GIMAP8: variants seen among roughly 807,000 people sequenced by gnomAD.
GIMAP8 encodes GTPase, IMAP family member 8.
Under a neutral mutation model 35.6 loss-of-function variants are expected in GIMAP8, and 29 were observed. The observed-to-expected ratio is 0.81, with a 90% CI of 0.61 to 1.11. The LOEUF (loss-of-function observed/expected upper bound fraction) is 1.11. Among genes scored for constraint, GIMAP8 ranks in the 50% most tolerant of loss-of-function variants. The pLI, the probability that GIMAP8 is intolerant of heterozygous loss-of-function variation, is 0.00. For missense variants in GIMAP8, 811 were observed against 805.0 expected (o/e 1.01, Z -0.09); for synonymous variants, 335 against 308.7 (o/e 1.09, Z -0.89).
Position 150,451,840 on chromosome 7 carries a change from C to T in GIMAP8, c.-29+665C>T, listed in dbSNP as rs959328541. 1.3e-5 allele frequency among the ~76,000 whole-genome samples: 2 copies of T among 152,242 alleles called. No homozygotes were observed. Among genetic ancestry groups the T allele is most frequent in the Admixed American group, 1.3e-4 (2 of 15,282 alleles). ...ACCAAAAGCAATATTTCTGATTTCA[C>T]CTACATTTCAGCCAACCTGGTCCTC... On this transcript the variant is annotated intron_variant, in intron 1 of 4. Transcript: ENST00000307271. This position sits in a 1 kb window ranked among gnomAD's most constrained non-coding sequence, Gnocchi z 4.1.
chr7:150,462,343 CTT>C (rs568798841), intron 1 of GIMAP8, among the ~76,000 whole-genome samples: 1 of 152,290 alleles, frequency 6.6e-6, no homozygotes, highest in South Asian at 2.1e-4. Flanking sequence ...TTATTTTACT[CTT>C]ATTGTTTATC....
At chr7:150,473,371 C>G (rs555694913) in intron 3 of GIMAP8, among the ~76,000 whole-genome samples, 1 of 151,890 alleles carries the variant, frequency 6.6e-6, no homozygotes, top group South Asian at 2.1e-4. Flanking sequence ...GGATCCCCAT[C>G]TAGATAAAGA....
In GIMAP8 at chr7:150,452,709, T is replaced by TATACAC. The variant is rs1373884339; in HGVS notation, c.-29+1535_-29+1536insTACACA. Among the ~76,000 whole-genome samples the TATACAC allele has an allele frequency of 3.8e-3, 408 of 106,580 alleles. 3 individuals are homozygous for TATACAC. Among genetic ancestry groups the TATACAC allele is most frequent in the East Asian group, 0.019 (46 of 2,480 alleles). The allele number at this position is 106,580 out of a possible 152,430, so 69.9% of individuals were successfully genotyped here. ...ATATATATATATATATATATATATA[T>TATACAC]ACATGCGAGTGGAACTACAGGCACC... On this transcript the variant is annotated intron_variant, in intron 1 of 4. Coordinates refer to ENST00000307271, the MANE Select transcript of GIMAP8 (RefSeq NM_175571.4).
At chr7:150,462,061 G>C (rs1472009794) in intron 1 of GIMAP8, among the ~76,000 whole-genome samples, 1 of 152,176 alleles carries the variant, frequency 6.6e-6, no homozygotes. Context: ...ATCTCACAAA[G>C]TACATTCTCA....
chr7:150,455,839 G>T (rs149050519), intron 1 of GIMAP8, among the ~76,000 whole-genome samples: 2 of 152,176 alleles, frequency 1.3e-5, no homozygotes, highest in African/African-American at 2.4e-5. Flanking sequence ...AATATTAAGT[G>T]CTCATTTAAC....
At chr7:150,469,805 A>T in intron 2 of GIMAP8, among the ~76,000 whole-genome samples, 1 of 152,212 alleles carries the variant, frequency 6.6e-6, no homozygotes, top group Middle Eastern at 3.2e-3. Context: ...CCGAAGATTG[A>T]TCAATGAAAA....
chr7:150,453,343 G>A (rs1302113168), intron 1 of GIMAP8, among the ~76,000 whole-genome samples: 1 of 152,196 alleles, frequency 6.6e-6, no homozygotes, highest in East Asian at 1.9e-4. Context: ...TGAAGCTGCG[G>A]TGGGCTCTGC....
chr7:150,475,039 T>A (rs940938914), intron 4 of GIMAP8, among the ~76,000 whole-genome samples: 4 of 152,132 alleles, frequency 2.6e-5, no homozygotes, highest in African/African-American at 9.7e-5. Context: ...CCATGTCCCT[T>A]CAAAGGACAT....
chr7:150,479,114 G>A lies in GIMAP8; in HGVS notation c.*1334G>A, dbSNP rs1802310605. ...TAACACAATAACTTCTAGAAAATGT[G>A]TGTGCCGTAGACACAAAGAAGGGAA... On this transcript the variant is annotated 3_prime_UTR_variant, in exon 5 of 5. Transcript: ENST00000307271. 1 of 152,168 alleles carries A rather than the reference G, an allele frequency of 6.6e-6. No homozygotes were observed. The highest frequency in any genetic ancestry group is 2.4e-5 in the African/African-American group (1 of 41,404). 9.4% of individuals were successfully genotyped at this position (152,168 alleles called of 1,614,324 possible). A position where few individuals can be genotyped will look rare whatever the true frequency, so the allele number is the denominator to read the frequency against.
chr7:150,474,873 A>C (rs1175826951), intron 4 of GIMAP8, among the ~76,000 whole-genome samples: 49 of 134,586 alleles, frequency 3.6e-4, no homozygotes, highest in African/African-American at 4.8e-4. Flanking sequence ...ATCCCTCCCC[A>C]CTCCCCCCAC....
At position 150,451,909 on chromosome 7, in the gene GIMAP8, GCTGGGT is replaced by G. The variant is rs1801616432; in HGVS notation, c.-29+737_-29+742del. On this transcript the variant is annotated intron_variant, in intron 1 of 4. Coordinates refer to ENST00000307271, the MANE Select transcript of GIMAP8 (RefSeq NM_175571.4). This position sits in a 1 kb window ranked among gnomAD's most constrained non-coding sequence, Gnocchi z 4.1. ...TTCCTCTTGATGGTTGCCCTGCTGG[GCTGGGT>G]CTAAGGTCTTCCCCACGCTGGGCTC... 6.6e-6 allele frequency among the ~76,000 whole-genome samples: 1 copy of G among 152,182 alleles called. No homozygotes were observed. The highest frequency in any genetic ancestry group is 6.5e-5 in the Admixed American group (1 of 15,284).
chr7:150,454,634 CT>C (rs1340356992), intron 1 of GIMAP8, among the ~76,000 whole-genome samples: 1 of 152,120 alleles, frequency 6.6e-6, no homozygotes, highest in Non-Finnish European at 1.5e-5. Context: ...GCTGCACATT[CT>C]TTTTGAGCCT....
In GIMAP8 at chr7:150,469,776, C is replaced by T. The variant is rs563360523; in HGVS notation, c.637-1053C>T. Among the ~76,000 whole-genome samples, 3 of 151,972 alleles carry T rather than the reference C, an allele frequency of 2.0e-5. No homozygotes were observed. The South Asian group carries it at 6.2e-4, about 32-fold the overall frequency. On this transcript the variant is annotated intron_variant, in intron 2 of 4. Transcript: ENST00000307271. ...ATAGTTAGCACAGCATCATTTGAAA[C>T]AGTAAAACCAGAAATAAACCGAAGA...
intron 1 of GIMAP8, among the ~76,000 whole-genome samples, chr7:150,454,962 A>AGTGGAAGCATTTCTTTTTTTGGAACTAAG (rs1801695380): frequency 6.6e-6 from 1 of 152,082 alleles, no homozygotes. Flanking sequence ...AACATGGAGA[A>AGTGGAAGCATTTCTTTTTTTGGAACTAAG]ACCCCATCTC....
At position 150,477,209 on chromosome 7, in the gene GIMAP8, C is replaced by A; in HGVS notation, c.1427C>A (p.Thr476Asn). 1 of 1,614,118 alleles carries A rather than the reference C, an allele frequency of 6.2e-7. No individual in the cohort carries two copies. ...SRLRAQPVTK[T>N]SQSGRRTWDG... ...CTCCGGGCCCAGCCAGTCACCAAGACCAGCCAGAGTGGCAGGAGGACATGG... is the reference window on the plus strand; with the variant it reads ...CTCCGGGCCCAGCCAGTCACCAAGAACAGCCAGAGTGGCAGGAGGACATGG... The change falls in exon 5 of 5, where the codon ACC becomes AAC. Residue 476 changes from threonine to asparagine, a missense_variant. Thr to Asn is a moderately conservative substitution (Grantham distance 65). Coordinates refer to ENST00000307271, the MANE Select transcript of GIMAP8 (RefSeq NM_175571.4).
rs1802273802 is a variant in GIMAP8 at position 150,477,779 on chromosome 7, A to C, written c.1997A>C (p.Ter666SerextTer38). The C allele has an allele frequency of 2.5e-6, 4 of 1,609,494 alleles. No individual in the cohort carries two copies. In the East Asian group the frequency reaches 8.9e-5, roughly 36 times the overall value. ...LLKNLIGILQ[*>S] is the part of the protein sequence containing the mutation. ...AAAAATTTAATAGGTATTTTACAAT[A>C]GGTAGCCGAAGTGCCTGGGGTCTCT... The change falls in exon 5 of 5, where the codon TAG (stop) becomes TCG (serine). Residue 666 changes from the stop codon to serine, a stop_lost. Transcript: ENST00000307271.
intron 1 of GIMAP8, among the ~76,000 whole-genome samples, chr7:150,459,531 T>G (rs1238332226): frequency 2.0e-5 from 3 of 152,166 alleles, no homozygotes; most frequent in African/African-American, 7.2e-5. Context: ...CCATGAATCT[T>G]GGCTATGGGA....
chr7:150,467,205 C>A lies in GIMAP8; in HGVS notation c.507C>A (p.Asn169Lys), dbSNP rs776872577. 1.1e-5 allele frequency: 17 copies of A among 1,614,102 alleles called. No individual in the cohort carries two copies. In the South Asian group the frequency reaches 1.9e-4, roughly 18 times the overall value. The part of the protein sequence containing the change: ...QDYEGRYCIF[N>K]NKTNSKDEQI... ...ATGAGGGCCGATACTGCATTTTCAACAACAAGACCAATAGTAAGGATGAGC... is the reference window on the plus strand; with the variant it reads ...ATGAGGGCCGATACTGCATTTTCAAAAACAAGACCAATAGTAAGGATGAGC... Residue 169 changes from asparagine to lysine, a missense_variant, in exon 2 of 5, where the codon AAC becomes AAA. Asn to Lys is a moderately conservative substitution (Grantham distance 94). Coordinates refer to ENST00000307271, the MANE Select transcript of GIMAP8 (RefSeq NM_175571.4).
chr7:150,468,376 A>G (rs1802018972), intron 2 of GIMAP8, among the ~76,000 whole-genome samples: 5 of 152,142 alleles, frequency 3.3e-5, no homozygotes, highest in Admixed American at 3.3e-4. Context: ...CTTTAACTGG[A>G]GTGGCTGATG....
Sources: allele counts gnomAD v4.1 joint callset (sites outside exome capture counted in the v4.1 genomes callset), GRCh38; gene constraint gnomAD v4.1.1; non-coding constraint Gnocchi (gnomAD v3.1); transcripts MANE v1.5; gene names NCBI Gene and HGNC (gene_info 2026-07-23, HGNC 2026-07-21).